Variants in AP3M1 observed in about 807,000 individuals in gnomAD.
AP3M1 encodes AP-3 complex subunit mu-1.
Under a neutral mutation model 42.6 loss-of-function variants are expected in AP3M1, and 29 were observed. The observed-to-expected ratio is 0.68, with a 90% CI of 0.51 to 0.93. The LOEUF (loss-of-function observed/expected upper bound fraction) is 0.93, where lower values mean the gene tolerates loss of function less well. Ranked by LOEUF, AP3M1 falls within the 40% of genes least tolerant of loss-of-function variation. AP3M1 has a pLI of 0.00. For synonymous variants in AP3M1, 178 were observed against 175.3 expected, an observed-to-expected ratio of 1.02 and a Z score of -0.12; for missense variants, 416 against 510.2, an observed-to-expected ratio of 0.82 and a Z score of 1.78.
chr10:74,139,270 C>T (rs1841050533), intron 1 of AP3M1, among the ~76,000 whole-genome samples: 1 of 151,752 alleles, frequency 6.6e-6, no homozygotes, highest in South Asian at 2.1e-4. Context: ...GCTTGCAGGA[C>T]ACAAGTCAAT....
At chr10:74,142,171 G>C (rs11000888) in intron 1 of AP3M1, among the ~76,000 whole-genome samples, 25,095 of 152,062 alleles carry the variant, frequency 0.17, 2,364 homozygotes, top group African/African-American at 0.26. Context: ...GGGGACAATG[G>C]AAAAATGTCT....
At chr10:74,147,050 A>G (rs567482937) in intron 1 of AP3M1, among the ~76,000 whole-genome samples, 152 of 152,282 alleles carry the variant, frequency 1.0e-3, no homozygotes, top group Non-Finnish European at 1.7e-3. Flanking sequence ...TGGGAGGCCA[A>G]AGTGGGAGTA....
chr10:74,135,717 T>A (rs1055757946), intron 3 of AP3M1, among the ~76,000 whole-genome samples: 3 of 152,248 alleles, frequency 2.0e-5, no homozygotes, highest in Admixed American at 6.5e-5. Flanking sequence ...ATGGAATTGC[T>A]TTTTAAAGTC....
rs758215377 is a variant in AP3M1, at chr10:74,126,307, C to T, written c.852G>A (p.Glu284=). Residue 284 remains glutamate, a synonymous_variant, in exon 7 of 9, where the codon GAG becomes GAA. Transcript: ENST00000355264. ...VYVKHSISFK[E]NSSCGRFDIT... is the part of the protein sequence containing the mutation. ...TATCAAATCTGCCGCAAGAACTGTT[C>T]TCCTTAAAGCTGATACTATGTTTCA... The T allele has an allele frequency of 4.3e-6, 7 of 1,614,148 alleles. No individual in the cohort carries two copies. The South Asian group carries it at 4.4e-5, about 10-fold the overall frequency.
chr10:74,124,347 T>C, intron 8 of AP3M1, 33 bp downstream of exon 8: 2 of 1,573,450 alleles, frequency 1.3e-6, no homozygotes, highest in South Asian at 2.4e-5. Flanking sequence ...CAAAACTCAA[T>C]TACCCTTAAC....
intron 1 of AP3M1, among the ~76,000 whole-genome samples, chr10:74,140,293 G>A (rs570136781): frequency 1.3e-5 from 2 of 152,358 alleles, no homozygotes; most frequent in South Asian, 2.1e-4. Context: ...GCCTTGGGGC[G>A]CTCCTGGCCA....
chr10:74,133,898 C>G, intron 4 of AP3M1, 129 bp downstream of exon 4: 3 of 1,106,178 alleles, frequency 2.7e-6, no homozygotes, highest in Non-Finnish European at 3.8e-6. Context: ...CATGTTCCGC[C>G]TGCCTTGGCC....
chr10:74,129,744 G>A (rs949502325), intron 5 of AP3M1, among the ~76,000 whole-genome samples, 163 bp downstream of exon 5: 8 of 152,120 alleles, frequency 5.3e-5, no homozygotes, highest in African/African-American at 1.7e-4. Context: ...CAAAGACCAC[G>A]CTCATCATGT....
chr10:74,138,476 T>G, intron 1 of AP3M1, 94 bp from the exon 2 acceptor site: 1 of 1,153,338 alleles, frequency 8.7e-7, no homozygotes, highest in Non-Finnish European at 1.2e-6. Context: ...TGGGATTTAT[T>G]CTAAGAATGC....
chr10:74,141,386 A>C (rs75718704), intron 1 of AP3M1, among the ~76,000 whole-genome samples: 42 of 152,324 alleles, frequency 2.8e-4, no homozygotes, highest in African/African-American at 9.6e-4. Flanking sequence ...TGATCCCACC[A>C]CTGCACCCTA....
chr10:74,130,913 C>T (rs564281759), intron 4 of AP3M1, among the ~76,000 whole-genome samples: 1 of 152,050 alleles, frequency 6.6e-6, no homozygotes, highest in East Asian at 2.0e-4. Context: ...GAGTTTGGGA[C>T]CAGCCTGGGC....
chr10:74,133,942 C>T (rs774516944), intron 4 of AP3M1, 85 bp downstream of exon 4: 103 of 1,537,136 alleles, frequency 6.7e-5, no homozygotes, highest in Non-Finnish European at 7.8e-5. Flanking sequence ...CGTGAGCCAC[C>T]GCGCCCGGCC....
intron 1 of AP3M1, among the ~76,000 whole-genome samples, chr10:74,139,390 G>T (rs1170879041): frequency 6.6e-6 from 1 of 151,648 alleles, no homozygotes; most frequent in Non-Finnish European, 1.5e-5. Context: ...GAGGAAGGAG[G>T]ATTGCTTGAG....
At chr10:74,130,394 T>C (rs980689284) in intron 4 of AP3M1, among the ~76,000 whole-genome samples, 2 of 152,162 alleles carry the variant, frequency 1.3e-5, no homozygotes, top group African/African-American at 4.8e-5. Context: ...TCTGACTAGC[T>C]AGTCCCAGCT....
intron 7 of AP3M1, among the ~76,000 whole-genome samples, chr10:74,125,042 G>A (rs1188384128): frequency 6.6e-6 from 1 of 151,980 alleles, no homozygotes; most frequent in Non-Finnish European, 1.5e-5. Flanking sequence ...GTGCAATGGT[G>A]CAATCTTGGC....
intron 7 of AP3M1, among the ~76,000 whole-genome samples, chr10:74,125,414 CAT>C (rs1840585731): frequency 6.6e-6 from 1 of 152,214 alleles, no homozygotes; most frequent in Admixed American, 6.5e-5. Context: ...GCAAAGCTGT[CAT>C]AGTTGAAGCT....
rs568133892 is a variant in AP3M1, at chr10:74,125,684, A to T, written c.1011+464T>A. ...AAACCCTCTGTTACACAAAAATTTAAGTAGAGTGAGGAAGCAACTTTCCTA... is the reference window on the plus strand; with the variant it reads ...AAACCCTCTGTTACACAAAAATTTATGTAGAGTGAGGAAGCAACTTTCCTA... On this transcript the variant is annotated intron_variant, in intron 7 of 8. Coordinates refer to ENST00000355264, the MANE Select transcript of AP3M1 (RefSeq NM_012095.6). Among the ~76,000 whole-genome samples, 32 of 152,350 alleles carry T rather than the reference A, an allele frequency of 2.1e-4. No homozygotes were observed. The South Asian group carries it at 6.6e-3, about 32-fold the overall frequency.
At chr10:74,124,233 G>C in intron 8 of AP3M1, 147 bp downstream of exon 8, 2 of 979,758 alleles carry the variant, frequency 2.0e-6, no homozygotes, top group Non-Finnish European at 3.0e-6. Flanking sequence ...GTCGGTGCCT[G>C]TGAGACTGCC....
intron 4 of AP3M1, among the ~76,000 whole-genome samples, chr10:74,131,742 A>C (rs1208355546): frequency 6.6e-6 from 1 of 151,162 alleles, no homozygotes; most frequent in African/African-American, 2.4e-5. Flanking sequence ...GGGTCTTGCT[A>C]TGTTGCCTAG....
Sources: allele counts gnomAD v4.1 joint callset (sites outside exome capture counted in the v4.1 genomes callset), GRCh38; gene constraint gnomAD v4.1.1; transcripts MANE v1.5; gene names NCBI Gene and HGNC (gene_info 2026-07-23, HGNC 2026-07-21).